BCAR1: variants seen among roughly 807,000 people sequenced by gnomAD.
BCAR1 encodes BCAR1 scaffold protein, Cas family member.
BCAR1 carries 30 observed loss-of-function variants against 67.6 expected under a neutral mutation model. That is an observed-to-expected ratio of 0.44 (90% CI 0.33 to 0.60). BCAR1 has a LOEUF of 0.60. BCAR1 is among the 20% of genes least tolerant of loss of function. BCAR1 has a pLI of 0.02. For synonymous variants in BCAR1, 626 were observed against 556.7 expected, an observed-to-expected ratio of 1.12 and a Z score of -1.75; for missense variants, 1,313 against 1,222.3, an observed-to-expected ratio of 1.07 and a Z score of -1.11.
chr16:75,232,096 C>T (rs891300155), intron 6 of BCAR1, among the ~76,000 whole-genome samples: 1 of 151,932 alleles, frequency 6.6e-6, no homozygotes, highest in African/African-American at 2.4e-5. Context: ...GTTGGTCAGG[C>T]TGGTCTCGAA....
At chr16:75,252,347 TGA>T (rs921131093), upstream of BCAR1, 17 of 1,532,238 alleles carry the variant, frequency 1.1e-5, no homozygotes, top group Non-Finnish European at 1.4e-5. Context: ...AGTACCCTCC[TGA>T]GTCCTGCTCC....
upstream of BCAR1, among the ~76,000 whole-genome samples, chr16:75,255,565 G>C (rs909960795): frequency 6.6e-6 from 1 of 152,006 alleles, no homozygotes; most frequent in Non-Finnish European, 1.5e-5. Flanking sequence ...CCGTGGTGGC[G>C]GGCACCTGTA....
intron 1 of BCAR1, chr16:75,264,542 T>C: frequency 7.2e-7 from 1 of 1,387,624 alleles, no homozygotes; most frequent in South Asian, 1.7e-5. Flanking sequence ...GATTATGCTC[T>C]GAACCAGAAC....
intron 1 of BCAR1, chr16:75,243,420 A>C (rs767574606): frequency 1.7e-6 from 1 of 597,754 alleles, no homozygotes; most frequent in East Asian, 3.7e-5. Flanking sequence ...GGACCAACAC[A>C]AGGAGAGCGG....
chr16:75,249,682 A>T (rs1160941750), intron 1 of BCAR1: 1 of 152,324 alleles, frequency 6.6e-6, no homozygotes, highest in Non-Finnish European at 1.5e-5. Flanking sequence ...CAAGGGAAGG[A>T]GTTGTCCAGG....
intron 1 of BCAR1, chr16:75,248,355 A>C: frequency 7.8e-7 from 1 of 1,286,294 alleles, no homozygotes; most frequent in Non-Finnish European, 9.9e-7. Flanking sequence ...AACCATCACA[A>C]ACTTGGGCCA....
At chr16:75,260,633 C>CAA (rs59667747) in intron 1 of BCAR1, among the ~76,000 whole-genome samples, 5 of 118,164 alleles carry the variant, frequency 4.2e-5, no homozygotes, top group African/African-American at 6.4e-5. Flanking sequence ...GACTCCATCT[C>CAA]AAAAAAAAAA....
chr16:75,242,223 G>C (rs186676536), intron 2 of BCAR1, among the ~76,000 whole-genome samples: 278 of 152,356 alleles, frequency 1.8e-3, no homozygotes, highest in Non-Finnish European at 2.5e-3. Flanking sequence ...CCTGTGGTTG[G>C]TGACACCACC....
chr16:75,236,681 G>T, intron 4 of BCAR1: 2 of 1,104,728 alleles, frequency 1.8e-6, no homozygotes. Context: ...CTCGCAACAG[G>T]CGGTTCTGCC....
At chr16:75,255,771 C>A (rs1035252814), upstream of BCAR1, among the ~76,000 whole-genome samples, 2 of 152,050 alleles carry the variant, frequency 1.3e-5, no homozygotes, top group African/African-American at 4.8e-5. Context: ...GCGGGCAGAT[C>A]ATCTGAGGTC....
chr16:75,234,038 G>T, intron 5 of BCAR1, 103 bp from the exon 6 acceptor site: 1 of 1,100,530 alleles, frequency 9.1e-7, no homozygotes, highest in Non-Finnish European at 1.3e-6. Flanking sequence ...ACCAGGTGGT[G>T]CTGCGTGTGC....
chr16:75,265,967 C>G (rs997266971), intron 1 of BCAR1: 348 of 1,065,970 alleles, frequency 3.3e-4, no homozygotes, highest in Non-Finnish European at 3.7e-4. Context: ...TGAGCGTTCC[C>G]GGACGCCGGA....
intron 1 of BCAR1, among the ~76,000 whole-genome samples, chr16:75,251,190 G>A (rs1567618045): frequency 6.6e-6 from 1 of 152,138 alleles, no homozygotes; most frequent in East Asian, 1.9e-4. Flanking sequence ...CGGGGAGCGC[G>A]GGCCCCGCCA....
chr16:75,267,881 G>C, intron 1 of BCAR1: 1 of 1,578,126 alleles, frequency 6.3e-7, no homozygotes, highest in Non-Finnish European at 8.6e-7. Flanking sequence ...CCTTAGCAGG[G>C]AGAGAGGGGA....
chr16:75,237,975 G>A (rs528945380), intron 2 of BCAR1: 26 of 1,223,894 alleles, frequency 2.1e-5, no homozygotes, highest in East Asian at 1.1e-4. Flanking sequence ...CCTCCCTGCC[G>A]CGCCTGCCCC....
upstream of BCAR1, chr16:75,252,118 TCAC>T: frequency 2.2e-6 from 3 of 1,393,578 alleles, no homozygotes; most frequent in East Asian, 2.5e-5. Flanking sequence ...AGACGAATCA[TCAC>T]CACCACAGCT....
chr16:75,237,911 C>G (rs1429643044), intron 2 of BCAR1, among the ~76,000 whole-genome samples: 2 of 152,194 alleles, frequency 1.3e-5, no homozygotes, highest in Non-Finnish European at 1.5e-5. Flanking sequence ...AGGACAGGGC[C>G]AGAGGGGCAG....
In BCAR1 at chr16:75,229,576, C is replaced by G; in HGVS notation, c.2548G>C (p.Val850Leu). The G allele has an allele frequency of 6.2e-7, 1 of 1,610,106 alleles. No individual in the cohort carries two copies. The highest frequency in any genetic ancestry group is 8.5e-7 in the Non-Finnish European group (1 of 1,179,096). Residue 850 changes from valine (V) to leucine (L), a missense_variant, in exon 7 of 7, where the codon GTC becomes CTC. Val to Leu is a conservative substitution (Grantham distance 32). Transcript: ENST00000162330. ...TGGGTGCTGTGGCCCAGCTCCTTGA[C>G]CCTCTCCACCATGTCCTGGGCCGCG... The part of the protein sequence containing the change: ...PSAAQDMVER[V>L]KELGHSTQQF...
chr16:75,259,548 T>G (rs2077851703), intron 1 of BCAR1, among the ~76,000 whole-genome samples: 1 of 152,088 alleles, frequency 6.6e-6, no homozygotes, highest in South Asian at 2.1e-4. Flanking sequence ...GGAACATTAC[T>G]CAGCAACAAA....
Sources: allele counts gnomAD v4.1 joint callset (sites outside exome capture counted in the v4.1 genomes callset), GRCh38; gene constraint gnomAD v4.1.1; transcripts MANE v1.5; gene names NCBI Gene and HGNC (gene_info 2026-07-23, HGNC 2026-07-21).